Variants in GABRB1 observed in about 807,000 individuals in gnomAD.
GABRB1 encodes gamma-aminobutyric acid receptor subunit beta-1.
In GABRB1, 17 loss-of-function variants were observed where a neutral mutation model predicts 51.6. The ratio of observed to expected loss-of-function variants is 0.33; its 90% CI spans 0.23 to 0.49. The LOEUF (loss-of-function observed/expected upper bound fraction) is 0.49. Ranked by LOEUF, GABRB1 falls within the 20% of genes least tolerant of loss-of-function variation. GABRB1 has a pLI of 0.99. For synonymous variants in GABRB1, 247 were observed against 218.9 expected (o/e 1.13, Z -1.14); for missense variants, 410 against 600.6 (o/e 0.68, Z 3.32).
At chr4:47,307,787 A>G (rs1211043888) in intron 4 of GABRB1, among the ~76,000 whole-genome samples, 2 of 151,920 alleles carry the variant, frequency 1.3e-5, no homozygotes, top group Non-Finnish European at 2.9e-5. Flanking sequence ...TAATTTTGGT[A>G]TCTAGAGAAC....
At chr4:47,087,744 C>T (rs546855691) in intron 3 of GABRB1, among the ~76,000 whole-genome samples, 17 of 152,178 alleles carry the variant, frequency 1.1e-4, no homozygotes, top group Middle Eastern at 6.8e-3. Context: ...GAATTCAAAT[C>T]CTAGCACTGT....
chr4:47,375,418 T>C (rs1399155520), intron 5 of GABRB1, among the ~76,000 whole-genome samples: 3 of 152,192 alleles, frequency 2.0e-5, no homozygotes, highest in African/African-American at 7.2e-5. Context: ...ATGTGTTAGA[T>C]GAGGTCAGTG....
chr4:47,347,113 C>G (rs1404948386), intron 5 of GABRB1, among the ~76,000 whole-genome samples: 2 of 151,678 alleles, frequency 1.3e-5, no homozygotes, highest in South Asian at 2.1e-4. Flanking sequence ...AAAATCCTGT[C>G]TCTACTAAAC....
intron 1 of GABRB1, among the ~76,000 whole-genome samples, chr4:47,024,265 A>G (rs1725017549): frequency 6.6e-6 from 1 of 151,844 alleles, no homozygotes; most frequent in Non-Finnish European, 1.5e-5. Flanking sequence ...TACTTCCTAT[A>G]CTTCATGATA....
intron 4 of GABRB1, among the ~76,000 whole-genome samples, chr4:47,265,814 C>T (rs571602269): frequency 4.4e-4 from 66 of 151,714 alleles, no homozygotes; most frequent in Admixed American, 9.9e-4. Context: ...TTGTTGTTGA[C>T]TTGTTTGAAT....
chr4:47,351,895 C>T (rs1443391052), intron 5 of GABRB1, among the ~76,000 whole-genome samples: 1 of 152,036 alleles, frequency 6.6e-6, no homozygotes, highest in African/African-American at 2.4e-5. Flanking sequence ...TTTATAACAG[C>T]ATGATTTATA....
intron 3 of GABRB1, among the ~76,000 whole-genome samples, chr4:47,052,199 A>C (rs1257293280): frequency 1.3e-5 from 2 of 152,198 alleles, no homozygotes; most frequent in Non-Finnish European, 2.9e-5. Context: ...TGTGCCTTGT[A>C]ATTGCTGAAG....
At chr4:47,040,364 T>C (rs1186487145) in intron 3 of GABRB1, among the ~76,000 whole-genome samples, 1 of 152,162 alleles carries the variant, frequency 6.6e-6, no homozygotes, top group Non-Finnish European at 1.5e-5. Context: ...AGGTGATAGA[T>C]GCCTAAACTA....
At chr4:47,091,908 C>G (rs865791075) in intron 3 of GABRB1, among the ~76,000 whole-genome samples, 2 of 152,156 alleles carry the variant, frequency 1.3e-5, no homozygotes, top group South Asian at 4.1e-4. Context: ...CTTCTCTCTG[C>G]ACAGTGTTTC....
chr4:47,135,291 A>T (rs1001601587), intron 3 of GABRB1, among the ~76,000 whole-genome samples: 1 of 152,172 alleles, frequency 6.6e-6, no homozygotes, highest in Non-Finnish European at 1.5e-5. Context: ...CAGCACATGT[A>T]TGCGGAGATA....
chr4:47,350,587 CCTTA>C (rs1198891740), intron 5 of GABRB1, among the ~76,000 whole-genome samples: 18 of 151,400 alleles, frequency 1.2e-4, no homozygotes, highest in African/African-American at 3.6e-4. Context: ...AATATTAATG[CCTTA>C]CTTACATAAT....
chr4:47,373,459 G>C (rs997530601), intron 5 of GABRB1, among the ~76,000 whole-genome samples: 2 of 152,076 alleles, frequency 1.3e-5, no homozygotes, highest in Admixed American at 1.3e-4. Flanking sequence ...AAGTAATTTG[G>C]CATATCCTAG....
At chr4:47,302,636 G>C (rs1260779263) in intron 4 of GABRB1, among the ~76,000 whole-genome samples, 1 of 151,792 alleles carries the variant, frequency 6.6e-6, no homozygotes, top group Non-Finnish European at 1.5e-5. Context: ...TAACAATTAG[G>C]TCTAAAAATA....
chr4:47,191,970 G>A lies in GABRB1; in HGVS notation c.461+30501G>A, dbSNP rs934047810. ...CACAAATGGGAAAATCACAAATTTT[G>A]ACTGGCCATTTAAAGACTTTAAAGC... On this transcript the variant is annotated intron_variant, in intron 4 of 8. Coordinates refer to ENST00000295454, the MANE Select transcript of GABRB1 (RefSeq NM_000812.4). Among the ~76,000 whole-genome samples, 3 of 152,000 alleles carry A rather than the reference G, an allele frequency of 2.0e-5. 1 individual carries two copies. The South Asian group carries it at 6.2e-4, about 32-fold the overall frequency.
At chr4:47,308,267 T>C (rs755082288) in intron 4 of GABRB1, among the ~76,000 whole-genome samples, 6 of 152,038 alleles carry the variant, frequency 3.9e-5, no homozygotes, top group Admixed American at 1.3e-4. Flanking sequence ...ATTACAAATA[T>C]GCAAAAAGTC....
intron 4 of GABRB1, among the ~76,000 whole-genome samples, chr4:47,276,701 T>C (rs1350259429): frequency 6.6e-6 from 1 of 152,140 alleles, no homozygotes; most frequent in Non-Finnish European, 1.5e-5. Context: ...TAAATCTTAT[T>C]ACGCTAATGC....
chr4:47,065,113 G>A (rs1437590794), intron 3 of GABRB1, among the ~76,000 whole-genome samples: 2 of 152,156 alleles, frequency 1.3e-5, no homozygotes, highest in African/African-American at 4.8e-5. Flanking sequence ...TCTGTGAAGT[G>A]GTTTGAATGC....
intron 3 of GABRB1, among the ~76,000 whole-genome samples, chr4:47,069,732 C>T (rs1412130034): frequency 7.0e-6 from 1 of 143,024 alleles, no homozygotes; most frequent in Non-Finnish European, 1.5e-5. Context: ...AAGTGGAAAT[C>T]TCTCCTTTTC....
chr4:47,011,918 A>G (rs1373844539), intron 1 of GABRB1, among the ~76,000 whole-genome samples: 1 of 152,188 alleles, frequency 6.6e-6, no homozygotes, highest in Non-Finnish European at 1.5e-5. Context: ...CCACAGTAGA[A>G]TATGATATAA....
Sources: gnomAD v4.1 joint callset for allele counts (sites outside exome capture counted in the v4.1 genomes callset) on GRCh38, gnomAD v4.1.1 for gene constraint, MANE v1.5 for transcripts, NCBI Gene and HGNC (gene_info 2026-07-23, HGNC 2026-07-21) for gene names.